WDTC1: variants seen among roughly 807,000 people sequenced by gnomAD.
WDTC1 encodes WD and tetratricopeptide repeats protein 1.
A neutral mutation model predicts 76.0 loss-of-function variants in WDTC1; 12 were observed. The observed-to-expected ratio is 0.16, with a 90% CI of 0.10 to 0.26. The LOEUF (loss-of-function observed/expected upper bound fraction) is 0.26. Among genes scored for constraint, WDTC1 ranks in the 10% least tolerant of loss-of-function variants. The probability of loss-of-function intolerance (pLI) is 1.00; values close to 1 mark genes in which losing one functional copy is unlikely to be tolerated. For missense variants in WDTC1, 511 were observed against 908.8 expected, an observed-to-expected ratio of 0.56 and a Z score of 5.63; for synonymous variants, 326 against 350.8, an observed-to-expected ratio of 0.93 and a Z score of 0.79.
intron 1 of WDTC1, among the ~76,000 whole-genome samples, chr1:27,252,137 G>C (rs1369295771): frequency 1.3e-5 from 2 of 152,078 alleles, no homozygotes; most frequent in Non-Finnish European, 2.9e-5. Context: ...CTTGAGCCCA[G>C]GAGTTGGAGA....
At chr1:27,302,634 G>A (rs185158474) in intron 13 of WDTC1, among the ~76,000 whole-genome samples, 7 of 152,090 alleles carry the variant, frequency 4.6e-5, no homozygotes, top group African/African-American at 9.6e-5. Context: ...CCAGCTCCTC[G>A]GGCAGCTGAG....
At position 27,306,153 on chromosome 1, in the gene WDTC1, G is replaced by A. The variant is rs769431789; in HGVS notation, c.1837-33G>A. On this transcript the variant is annotated intron_variant, in intron 15 of 15. Transcript: ENST00000319394. The surrounding 1 kb of genome is among the most constrained non-coding windows in gnomAD (Gnocchi z 5.0). ...TACCCTGGTGCCTCTCCCTCCCTGA[G>A]CCCCACGTGTGTCACCCCTTTCTCC... 2.5e-6 allele frequency: 4 copies of A among 1,612,874 alleles called. No individual in the cohort carries two copies. In the African/African-American group the frequency reaches 5.4e-5, roughly 22 times the overall value.
At position 27,234,897 on chromosome 1, in the gene WDTC1, C is replaced by G; in HGVS notation, c.-154C>G. The G allele has an allele frequency of 2.5e-6, 1 of 395,226 alleles. No homozygotes were observed. The allele number at this position is 395,226 out of a possible 1,614,324, so 24.5% of individuals were successfully genotyped here. A position where few individuals can be genotyped will look rare whatever the true frequency, so the allele number is the denominator to read the frequency against. On this transcript the variant is annotated 5_prime_UTR_variant, in exon 1 of 16. Transcript: ENST00000319394. ...CGGGAGAGGGGCCGCCCCCCCCGGA[C>G]GGACATGGGCTCCTGAAGTTGCGCC...
chr1:27,239,155 C>T (rs1304565322), intron 1 of WDTC1, among the ~76,000 whole-genome samples: 1 of 150,116 alleles, frequency 6.7e-6, no homozygotes, highest in Non-Finnish European at 1.5e-5. Flanking sequence ...CTGCCTACCT[C>T]AGCCTCCCAA....
chr1:27,261,719 A>G (rs2012479855), intron 2 of WDTC1, among the ~76,000 whole-genome samples: 1 of 152,108 alleles, frequency 6.6e-6, no homozygotes, highest in Non-Finnish European at 1.5e-5. Flanking sequence ...ACTGGTAAGA[A>G]TCCCCAGCTG....
chr1:27,306,374 G>T lies in WDTC1; in HGVS notation c.2025G>T (p.Arg675=), dbSNP rs1473207213. The change falls in exon 16 of 16, where the codon CGG becomes CGT. Residue 675 remains arginine, a synonymous_variant. Transcript: ENST00000319394. This position sits in a 1 kb window ranked among gnomAD's most constrained non-coding sequence, Gnocchi z 5.0. ...EDSSEGQVQC[R]PS is the part of the protein sequence containing the mutation. ...GCTCTGAGGGCCAGGTGCAGTGCCG[G>T]CCCAGCTAGACCCTCCAGCCCTGGT... 6.2e-7 allele frequency: 1 copy of T among 1,611,870 alleles called. No homozygotes were observed. The highest frequency in any genetic ancestry group is 8.5e-7 in the Non-Finnish European group (1 of 1,179,900).
chr1:27,286,467 CTTTT>C (rs1172585069), intron 5 of WDTC1, among the ~76,000 whole-genome samples: 2 of 124,440 alleles, frequency 1.6e-5, no homozygotes, highest in Non-Finnish European at 3.4e-5. Flanking sequence ...GGATTATTTC[CTTTT>C]TTTTTTTTTT....
intron 1 of WDTC1, among the ~76,000 whole-genome samples, chr1:27,236,271 G>C (rs1199333696): frequency 6.6e-6 from 1 of 152,200 alleles, no homozygotes; most frequent in Non-Finnish European, 1.5e-5. Context: ...GGAGTAACTA[G>C]TTGGGCTCCT....
intron 3 of WDTC1, among the ~76,000 whole-genome samples, chr1:27,271,910 T>G (rs1027805303): frequency 3.4e-5 from 5 of 149,190 alleles, no homozygotes; most frequent in Non-Finnish European, 7.4e-5. Flanking sequence ...GTGCTGGGAT[T>G]ATAGGCGTAA....
At chr1:27,253,491 T>C (rs1163846067) in intron 1 of WDTC1, among the ~76,000 whole-genome samples, 1 of 141,700 alleles carries the variant, frequency 7.1e-6, no homozygotes, top group African/African-American at 2.6e-5. Flanking sequence ...CTCTCTTTCT[T>C]CTTTCTTCTT....
chr1:27,254,127 AAAC>A (rs2012193726), intron 1 of WDTC1, among the ~76,000 whole-genome samples: 1 of 152,198 alleles, frequency 6.6e-6, no homozygotes. Context: ...AAAAAGAAAA[AAAC>A]AAAATGATTT....
chr1:27,294,037 G>GAGCCCT lies in WDTC1; in HGVS notation c.679_684dup (p.Pro228_Ser229dup). The stretch of plus-strand genomic sequence containing the variant: ...TTCCCACCAGAAAGAGCATGAAGCA[G>GAGCCCT]AGCCCTTCAGCGGGTGTGCACACCT... On this transcript the variant is annotated inframe_insertion, in exon 8 of 16. Coordinates refer to ENST00000319394, the MANE Select transcript of WDTC1 (RefSeq NM_001276252.2). The GAGCCCT allele has an allele frequency of 6.2e-7, 1 of 1,614,072 alleles. No homozygotes were observed. Among genetic ancestry groups the GAGCCCT allele is most frequent in the African/African-American group, 1.3e-5 (1 of 75,014 alleles).
At chr1:27,247,024 A>G (rs1055380864) in intron 1 of WDTC1, among the ~76,000 whole-genome samples, 3 of 151,352 alleles carry the variant, frequency 2.0e-5, no homozygotes, top group Non-Finnish European at 2.9e-5. Context: ...GAGCCACCGC[A>G]CCCAGCCTAT....
At chr1:27,248,660 T>C (rs2011931167) in intron 1 of WDTC1, among the ~76,000 whole-genome samples, 1 of 152,112 alleles carries the variant, frequency 6.6e-6, no homozygotes, top group Non-Finnish European at 1.5e-5. Context: ...TTAAAAACTT[T>C]TTATTATTAT....
At position 27,305,457 on chromosome 1, in the gene WDTC1, C is replaced by T. The variant is rs1308850001; in HGVS notation, c.1836+264C>T. Among the ~76,000 whole-genome samples the T allele has an allele frequency of 2.6e-5, 4 of 152,220 alleles. No homozygotes were observed. The highest frequency in any genetic ancestry group is 5.9e-5 in the Non-Finnish European group (4 of 68,036). The stretch of plus-strand genomic sequence containing the variant: ...TAGGCCTAAGTTTGAATCCAGTCTC[C>T]TCACTCGCTGCCTGAGAGACTTCAC... On this transcript the variant is annotated intron_variant, in intron 15 of 15. Transcript: ENST00000319394. This position sits in a 1 kb window ranked among gnomAD's most constrained non-coding sequence, Gnocchi z 4.6.
intron 6 of WDTC1, among the ~76,000 whole-genome samples, chr1:27,291,340 C>T (rs1028631225): frequency 2.6e-5 from 4 of 152,128 alleles, no homozygotes; most frequent in Non-Finnish European, 4.4e-5. Context: ...TAAAAGTAAA[C>T]TTGTGCTAAA....
chr1:27,297,386 T>C (rs1373926118), intron 11 of WDTC1, among the ~76,000 whole-genome samples: 1 of 152,150 alleles, frequency 6.6e-6, no homozygotes, highest in Non-Finnish European at 1.5e-5. Context: ...TTGGTACCAG[T>C]AACTGGGGTC....
intron 5 of WDTC1, among the ~76,000 whole-genome samples, 200 bp downstream of exon 5, chr1:27,283,649 G>A (rs2013255506): frequency 6.6e-6 from 1 of 152,100 alleles, no homozygotes; most frequent in Non-Finnish European, 1.5e-5. Flanking sequence ...AGAGCTAAGC[G>A]GCCAATTCTA....
chr1:27,246,112 G>A (rs1455923175), intron 1 of WDTC1, among the ~76,000 whole-genome samples: 1 of 152,120 alleles, frequency 6.6e-6, no homozygotes, highest in Non-Finnish European at 1.5e-5. Context: ...CCATAAAATA[G>A]ACAGTCTCTT....
Sources: allele counts gnomAD v4.1 joint callset (sites outside exome capture counted in the v4.1 genomes callset), GRCh38; gene constraint gnomAD v4.1.1; non-coding constraint Gnocchi (gnomAD v3.1); transcripts MANE v1.5; gene names NCBI Gene and HGNC (gene_info 2026-07-23, HGNC 2026-07-21).